The following ZNF846 variants were observed in gnomAD, a reference collection of about 807,000 sequenced individuals.
ZNF846 encodes zinc finger protein 420 pseudogene.
Under a neutral mutation model 16.0 loss-of-function variants are expected in ZNF846, and 15 were observed. The observed-to-expected ratio is 0.94, with a 90% CI of 0.63 to 1.45. The LOEUF (loss-of-function observed/expected upper bound fraction) is 1.45, where lower values mean the gene tolerates loss of function less well. ZNF846 is among the 40% of genes most tolerant of loss of function. The pLI is 0.00. For missense variants in ZNF846, 714 were observed against 622.3 expected, an observed-to-expected ratio of 1.15 and a Z score of -1.57; for synonymous variants, 229 against 212.0, an observed-to-expected ratio of 1.08 and a Z score of -0.70.
At chr19:9,771,087 A>G (rs1175384899), upstream of ZNF846, among the ~76,000 whole-genome samples, 2 of 151,920 alleles carry the variant, frequency 1.3e-5, no homozygotes, top group Non-Finnish European at 2.9e-5. Flanking sequence ...CAATGTACCC[A>G]ATGTGTAGTT....
intron 3 of ZNF846, among the ~76,000 whole-genome samples, chr19:9,762,999 A>C (rs8113474): frequency 0.28 from 42,013 of 151,888 alleles, 6,828 homozygotes; most frequent in African/African-American, 0.43. Flanking sequence ...CAAAAATTAG[A>C]TGGCCATGGT....
chr19:9,753,532 G>A (rs966408401), downstream of ZNF846, among the ~76,000 whole-genome samples: 10 of 151,114 alleles, frequency 6.6e-5, no homozygotes, highest in African/African-American at 2.5e-4. Flanking sequence ...GGGATTACAG[G>A]TGTGAGCCAC....
upstream of ZNF846, among the ~76,000 whole-genome samples, chr19:9,772,122 T>C (rs554695209): frequency 5.9e-5 from 9 of 152,218 alleles, no homozygotes; most frequent in South Asian, 4.2e-4. Context: ...TTTTTCCCCA[T>C]TGAATTGTTT....
At chr19:9,759,365 G>A (rs1280430593) in intron 5 of ZNF846, among the ~76,000 whole-genome samples, 2 of 150,768 alleles carry the variant, frequency 1.3e-5, no homozygotes, top group East Asian at 4.0e-4. Context: ...ACTTTGGGAG[G>A]CCAAGGCAGG....
chr19:9,781,277 C>T (rs575702474), intron 1 of ZNF846, among the ~76,000 whole-genome samples: 93 of 152,218 alleles, frequency 6.1e-4, no homozygotes, highest in African/African-American at 2.2e-3. Context: ...CAGGCATGCA[C>T]CACCACGCCC....
chr19:9,770,729 C>T (rs1378608567), upstream of ZNF846, among the ~76,000 whole-genome samples: 1 of 150,920 alleles, frequency 6.6e-6, no homozygotes, highest in African/African-American at 2.4e-5. Flanking sequence ...ACCAGCAGGG[C>T]GTGGTGGTGC....
chr19:9,779,429 T>C lies in ZNF846; in HGVS notation c.-86+6509A>G, dbSNP rs12979092. On this transcript the variant is annotated intron_variant, in intron 1 of 4. Transcript: ENST00000586814. Reference sequence around the variant, plus strand: ...GATTACAGGCATGCGCCACCACGCCTGGCTAATTTTATATTTTTAGTAGAG... The same window carrying C: ...GATTACAGGCATGCGCCACCACGCCCGGCTAATTTTATATTTTTAGTAGAG... 8.0e-3 allele frequency among the ~76,000 whole-genome samples: 1,157 copies of C among 144,694 alleles called. 9 individuals carry two copies. The highest frequency in any genetic ancestry group is 0.013 in the Non-Finnish European group (823 of 65,836). 94.9% of individuals were successfully genotyped at this position (144,694 alleles called of 152,430 possible).
At chr19:9,785,670 A>C (rs899131948) in intron 1 of ZNF846, among the ~76,000 whole-genome samples, 5 of 10,604 alleles carry the variant, frequency 4.7e-4, no homozygotes, top group East Asian at 3.7e-3. Context: ...ACCCCGCCCC[A>C]TCTCCCCCTC....
chr19:9,758,551 C>G, exon 6 of ZNF846: 1 of 1,612,810 alleles, frequency 6.2e-7, no homozygotes, highest in Non-Finnish European at 8.5e-7. Context: ...AAGGCTTTTT[C>G]ATGTTTAACA....
intron 2 of ZNF846, among the ~76,000 whole-genome samples, chr19:9,764,497 T>A (rs1189463133): frequency 1.3e-5 from 2 of 152,202 alleles, no homozygotes; most frequent in Non-Finnish European, 2.9e-5. Flanking sequence ...AATTACTTCA[T>A]CCCCATGTGA....
intron 3 of ZNF846, 134 bp downstream of exon 3, chr19:9,763,148 A>G (rs978911195): frequency 1.2e-5 from 9 of 756,350 alleles, no homozygotes; most frequent in Admixed American, 6.9e-5. Flanking sequence ...GTGTCTCAAA[A>G]AAAAAAAAAA....
downstream of ZNF846, among the ~76,000 whole-genome samples, chr19:9,754,563 T>TCAAAAAAAAAAAAAAAAAA (rs776769152): frequency 2.9e-4 from 24 of 83,764 alleles, 3 homozygotes; most frequent in South Asian, 1.5e-3. Context: ...AGACTCTGTC[T>TCAAAAAAAAAAAAAAAAAA]TAAAAAAAAA....
intron 1 of ZNF846, among the ~76,000 whole-genome samples, chr19:9,780,111 A>AATTG (rs1479052282): frequency 7.0e-6 from 1 of 141,916 alleles, no homozygotes; most frequent in Non-Finnish European, 1.5e-5. Flanking sequence ...GCCTGGTCTC[A>AATTG]AACTCCTGGG....
At chr19:9,777,155 A>G (rs1265597502) in intron 1 of ZNF846, among the ~76,000 whole-genome samples, 4 of 148,756 alleles carry the variant, frequency 2.7e-5, no homozygotes, top group African/African-American at 5.2e-5. Flanking sequence ...ACACGCACAC[A>G]CACACACACA....
downstream of ZNF846, among the ~76,000 whole-genome samples, chr19:9,750,016 A>T (rs2045071246): frequency 6.6e-6 from 1 of 152,034 alleles, no homozygotes; most frequent in African/African-American, 2.4e-5. Context: ...GCTTCTCCCA[A>T]AAACAGCCTA....
chr19:9,774,428 A>G (rs1332688894), intron 1 of ZNF846: 11 of 651,930 alleles, frequency 1.7e-5, no homozygotes, highest in Non-Finnish European at 2.8e-5. Context: ...AGATTGCGCC[A>G]CTGCACTCCA....
At chr19:9,774,787 A>C in intron 1 of ZNF846, 1 of 1,592,998 alleles carries the variant, frequency 6.3e-7, no homozygotes, top group Non-Finnish European at 8.6e-7. Flanking sequence ...ACTGGAAGCC[A>C]GCAACCAAAA....
chr19:9,784,511 C>T (rs993957520), intron 1 of ZNF846, among the ~76,000 whole-genome samples: 1 of 152,170 alleles, frequency 6.6e-6, no homozygotes, highest in African/African-American at 2.4e-5. Context: ...GGGTTTTACA[C>T]CAAGACATTC....
chr19:9,759,974 A>G, intron 4 of ZNF846, 32 bp from the exon 5 acceptor site: 1 of 1,569,236 alleles, frequency 6.4e-7, no homozygotes. Flanking sequence ...AGCTTGGGAG[A>G]AAAATTGTGG....
Sources: gnomAD v4.1 joint callset for allele counts (sites outside exome capture counted in the v4.1 genomes callset) on GRCh38, gnomAD v4.1.1 for gene constraint, MANE v1.5 for transcripts, NCBI Gene and HGNC (gene_info 2026-07-23, HGNC 2026-07-21) for gene names.